The following CNTNAP3B variants were observed in gnomAD, a reference collection of about 807,000 sequenced individuals.
The protein encoded by CNTNAP3B is contactin associated protein family member 3B.
In CNTNAP3B, 25 loss-of-function variants were observed where a neutral mutation model predicts 108.9. The observed-to-expected ratio is 0.23, with a 90% confidence interval of 0.17 to 0.32. CNTNAP3B has a LOEUF of 0.32. Among genes scored for constraint, CNTNAP3B ranks in the 10% least tolerant of loss-of-function variants. CNTNAP3B has a pLI of 1.00. For missense variants in CNTNAP3B, 252 were observed against 1,210.4 expected (o/e 0.21, Z 11.75); for synonymous variants, 103 against 473.4 (o/e 0.22, Z 10.16).
At chr9:42,001,107 C>CA (rs1825996369) in intron 4 of CNTNAP3B, among the ~76,000 whole-genome samples, 1 of 45,434 alleles carries the variant, frequency 2.2e-5, no homozygotes, top group Admixed American at 2.6e-4. Flanking sequence ...CACTTGTCCA[C>CA]AAAAGTCATA....
chr9:41,917,164 T>C (rs1286418130), intron 18 of CNTNAP3B, among the ~76,000 whole-genome samples: 2 of 150,948 alleles, frequency 1.3e-5, no homozygotes, highest in Non-Finnish European at 3.0e-5. Flanking sequence ...ATTACGTATA[T>C]GTTGGTGTGC....
chr9:42,111,748 C>T (rs367969865), intron 1 of CNTNAP3B, among the ~76,000 whole-genome samples: 3 of 138,298 alleles, frequency 2.2e-5, no homozygotes, highest in African/African-American at 2.9e-5. Context: ...CAATAAATTG[C>T]CAAGGATTAT....
chr9:42,112,294 T>C lies in CNTNAP3B; in HGVS notation c.86-7555A>G, dbSNP rs543810400. On this transcript the variant is annotated intron_variant, in intron 1 of 23. Transcript: ENST00000377561. ...CATGTGTGAAGGCCCCAGTAAGGCT[T>C]ACTCTTCTGAAATACTGAGGTCTGT... 4.9e-3 allele frequency among the ~76,000 whole-genome samples: 688 copies of C among 139,660 alleles called. 98 individuals carry two copies. Among genetic ancestry groups the C allele is most frequent in the Non-Finnish European group, 7.8e-3 (508 of 65,042 alleles). 91.6% of individuals were successfully genotyped at this position (139,660 alleles called of 152,430 possible). A position where few individuals can be genotyped will look rare whatever the true frequency, so the allele number is the denominator to read the frequency against.
Position 42,089,452 on chromosome 9 carries a change from C to T in CNTNAP3B, c.197-12390G>A, listed in dbSNP as rs1424644320. ...GTGGAAATTCTAAGTAGTTAAAGAT[C>T]GCATACTATAACAAACCATTTGTGG... On this transcript the variant is annotated intron_variant, in intron 2 of 23. Transcript: ENST00000377561. Among the ~76,000 whole-genome samples the T allele has an allele frequency of 1.2e-4, 16 of 136,728 alleles. 2 individuals carry two copies. Among genetic ancestry groups the T allele is most frequent in the Admixed American group, 6.6e-4 (9 of 13,648 alleles). The allele number at this position is 136,728 out of a possible 152,430, so 89.7% of individuals were successfully genotyped here. A position where few individuals can be genotyped will look rare whatever the true frequency, so the allele number is the denominator to read the frequency against.
chr9:41,964,979 T>C (rs1422500931), intron 10 of CNTNAP3B, among the ~76,000 whole-genome samples: 2 of 152,244 alleles, frequency 1.3e-5, no homozygotes, highest in Admixed American at 6.5e-5. Context: ...AGTTACTATA[T>C]TGTGGTCATT....
chr9:41,935,298 G>A (rs1202776690), intron 14 of CNTNAP3B, among the ~76,000 whole-genome samples: 2 of 152,186 alleles, frequency 1.3e-5, no homozygotes, highest in African/African-American at 2.4e-5. Context: ...TGGAAAAATG[G>A]CGATGGTTTA....
chr9:42,117,925 G>A lies in CNTNAP3B; in HGVS notation c.85+11085C>T, dbSNP rs1170092531. ...CTACACAAATAAACTAGAAAATCTA[G>A]AAGAAATGGATAAATTCCTCGACAC... On this transcript the variant is annotated intron_variant, in intron 1 of 23. Transcript: ENST00000377561. 1.4e-5 allele frequency among the ~76,000 whole-genome samples: 2 copies of A among 139,114 alleles called. 1 individual carries two copies. 91.3% of individuals were successfully genotyped at this position (139,114 alleles called of 152,430 possible). A position where few individuals can be genotyped will look rare whatever the true frequency, so the allele number is the denominator to read the frequency against.
In CNTNAP3B at chr9:42,086,285, C is replaced by A. The variant is rs529497003; in HGVS notation, c.197-9223G>T. On this transcript the variant is annotated intron_variant, in intron 2 of 23. Coordinates refer to ENST00000377561, the MANE Select transcript of CNTNAP3B (RefSeq NM_001201380.3). ...GTTATCTCCCACTGGGTCCCTCCCACAACACCTAGGAATTATGAGAGCTAC... is the reference window on the plus strand; with the variant it reads ...GTTATCTCCCACTGGGTCCCTCCCAAAACACCTAGGAATTATGAGAGCTAC... Among the ~76,000 whole-genome samples, 22 of 139,936 alleles carry A rather than the reference C, an allele frequency of 1.6e-4. No individual in the cohort carries two copies. The East Asian group carries it at 2.3e-3, about 15-fold the overall frequency. The allele number at this position is 139,936 out of a possible 152,430, so 91.8% of individuals were successfully genotyped here.
chr9:41,950,033 C>A (rs1223081429), intron 13 of CNTNAP3B, among the ~76,000 whole-genome samples: 1 of 139,998 alleles, frequency 7.1e-6, no homozygotes, highest in African/African-American at 2.7e-5. Flanking sequence ...TCAACAGTAA[C>A]AAAACAAATC....
intron 2 of CNTNAP3B, among the ~76,000 whole-genome samples, chr9:42,091,769 T>A (rs1297629437): frequency 1.6e-5 from 1 of 64,306 alleles, no homozygotes; most frequent in Non-Finnish European, 3.1e-5. Flanking sequence ...GGCGATGAGA[T>A]GGTACACAGG....
intron 11 of CNTNAP3B, among the ~76,000 whole-genome samples, chr9:41,961,274 C>T (rs1347014963): frequency 6.6e-6 from 1 of 152,292 alleles, no homozygotes; most frequent in Non-Finnish European, 1.5e-5. Flanking sequence ...TTGGCAATGT[C>T]TAGAGACTGT....
intron 3 of CNTNAP3B, among the ~76,000 whole-genome samples, chr9:42,025,113 A>AT (rs1456890430): frequency 1.6e-5 from 2 of 128,270 alleles, no homozygotes; most frequent in East Asian, 4.8e-4. Flanking sequence ...CCATCAAACT[A>AT]TTTTTTCTCC....
chr9:41,944,830 G>C lies in CNTNAP3B; in HGVS notation c.2081-6430C>G, dbSNP rs1214309268. On this transcript the variant is annotated intron_variant, in intron 13 of 23. Coordinates refer to ENST00000377561, the MANE Select transcript of CNTNAP3B (RefSeq NM_001201380.3). ...AAGAAACTACCATCAGAGTGAACAGGCAACCTATAGAATGGGAGAAAATTT... is the reference window on the plus strand; with the variant it reads ...AAGAAACTACCATCAGAGTGAACAGCCAACCTATAGAATGGGAGAAAATTT... Among the ~76,000 whole-genome samples the C allele has an allele frequency of 2.0e-5, 3 of 152,280 alleles. No individual in the cohort carries two copies. The South Asian group carries it at 6.2e-4, about 32-fold the overall frequency.
rs1333678614 is a variant in CNTNAP3B, at chr9:41,946,017, G to T, written c.2080+7166C>A. Among the ~76,000 whole-genome samples the T allele has an allele frequency of 2.0e-5, 3 of 152,354 alleles. No individual in the cohort carries two copies. The East Asian group carries it at 5.8e-4, about 29-fold the overall frequency. On this transcript the variant is annotated intron_variant, in intron 13 of 23. Transcript: ENST00000377561. ...AAGGGCATTACACAATAATAAAGGG[G>T]TCAATATAACAAGAAGATATAATAA...
intron 10 of CNTNAP3B, among the ~76,000 whole-genome samples, chr9:41,967,514 A>G (rs2118246808): frequency 6.6e-6 from 1 of 152,394 alleles, no homozygotes; most frequent in South Asian, 2.1e-4. Flanking sequence ...GCAGCATGAG[A>G]ACAGACTAAT....
At chr9:42,076,235 C>T (rs1396821564) in intron 3 of CNTNAP3B, among the ~76,000 whole-genome samples, 7 of 69,362 alleles carry the variant, frequency 1.0e-4, no homozygotes, top group African/African-American at 2.0e-4. Context: ...GCCAAAATGG[C>T]GAAACCCTGT....
intron 18 of CNTNAP3B, among the ~76,000 whole-genome samples, chr9:41,914,436 CA>C: frequency 6.6e-6 from 1 of 151,356 alleles, no homozygotes; most frequent in Non-Finnish European, 1.5e-5. Flanking sequence ...ACATAATTTG[CA>C]AATATTTTAT....
intron 12 of CNTNAP3B, among the ~76,000 whole-genome samples, chr9:41,957,629 A>G (rs998368330): frequency 2.7e-5 from 4 of 150,030 alleles, no homozygotes; most frequent in Non-Finnish European, 4.4e-5. Flanking sequence ...TACATTGTTC[A>G]TCTGGTCTTG....
In CNTNAP3B at chr9:42,120,637, C is replaced by T. The variant is rs1564200910; in HGVS notation, c.85+8373G>A. 1.1e-4 allele frequency among the ~76,000 whole-genome samples: 15 copies of T among 137,742 alleles called. 4 individuals are homozygous for T. The South Asian group carries it at 3.6e-3, about 33-fold the overall frequency. 90.4% of individuals were successfully genotyped at this position (137,742 alleles called of 152,430 possible). On this transcript the variant is annotated intron_variant, in intron 1 of 23. Transcript: ENST00000377561. The stretch of plus-strand genomic sequence containing the variant: ...CACATATACACCATGGAATACTATG[C>T]AGCCATAAAAAATGATGAGTTCATG...
Sources: allele counts gnomAD v4.1 joint callset (sites outside exome capture counted in the v4.1 genomes callset), GRCh38; gene constraint gnomAD v4.1.1; transcripts MANE v1.5; gene names NCBI Gene and HGNC (gene_info 2026-07-23, HGNC 2026-07-21).